The following PDS5B variants were observed in gnomAD, a reference collection of about 807,000 sequenced individuals.
The protein encoded by PDS5B is PDS5 cohesin associated factor B, also known as sister chromatid cohesion protein PDS5 homolog B.
PDS5B carries 51 observed loss-of-function variants against 184.1 expected under a neutral mutation model. The observed-to-expected ratio is 0.28, with a 90% CI of 0.22 to 0.35. The LOEUF is 0.35. Ranked by LOEUF, PDS5B falls within the 10% of genes least tolerant of loss-of-function variation. The pLI, the probability that PDS5B is intolerant of heterozygous loss-of-function variation, is 1.00. For synonymous variants in PDS5B, 566 were observed against 569.2 expected (o/e 0.99, Z 0.08); for missense variants, 1,180 against 1,723.3 (o/e 0.68, Z 5.58).
intron 13 of PDS5B, chr13:32,691,192 T>C (rs936708787): frequency 2.0e-5 from 3 of 152,046 alleles, no homozygotes; most frequent in Non-Finnish European, 4.4e-5. Context: ...TGTATATGTA[T>C]GTGTATATAT....
chr13:32,654,119 A>G (rs949986510), intron 3 of PDS5B, among the ~76,000 whole-genome samples: 3 of 152,178 alleles, frequency 2.0e-5, no homozygotes, highest in Non-Finnish European at 4.4e-5. Context: ...GTCTTATTCT[A>G]AATGCCTCTT....
chr13:32,775,395 G>A lies in PDS5B; in HGVS notation c.*343G>A, dbSNP rs546256850. On this transcript the variant is annotated 3_prime_UTR_variant, in exon 35 of 35. Transcript: ENST00000315596. ...GGCTTTAAACTGACAGTACCCGACT[G>A]TTTATTGGATCTATTGATTTGAAAA... 1.2e-5 allele frequency: 4 copies of A among 328,502 alleles called. No homozygotes were observed. The highest frequency in any genetic ancestry group is 1.2e-4 in the South Asian group (4 of 32,896). The allele number at this position is 328,502 out of a possible 1,614,324, so 20.3% of individuals were successfully genotyped here. A position where few individuals can be genotyped will look rare whatever the true frequency, so the allele number is the denominator to read the frequency against.
intron 1 of PDS5B, among the ~76,000 whole-genome samples, chr13:32,590,945 A>G (rs208430): frequency 0.26 from 38,793 of 151,002 alleles, 5,273 homozygotes; most frequent in Admixed American, 0.37. Context: ...TTAAGTTAAA[A>G]GTTATACAGG....
chr13:32,652,143 A>ATTTT, intron 3 of PDS5B, 136 bp downstream of exon 3: 1 of 556,556 alleles, frequency 1.8e-6, no homozygotes, highest in African/African-American at 2.4e-5. Context: ...GCTAAACTTA[A>ATTTT]TGTTTTTTTT....
chr13:32,696,993 A>C, intron 15 of PDS5B, 91 bp downstream of exon 15: 1 of 723,574 alleles, frequency 1.4e-6, no homozygotes. Context: ...GTTATAGGCT[A>C]TGATAATATA....
At chr13:32,716,047 A>G (rs1385751904) in intron 19 of PDS5B, among the ~76,000 whole-genome samples, 1 of 42 alleles carries the variant, frequency 0.024, no homozygotes, top group East Asian at 0.5. Context: ...GGCCTCCCAA[A>G]GTGCCGAGAG....
In PDS5B at chr13:32,586,949, C is replaced by T. The variant is rs2057690165; in HGVS notation, c.-20+356C>T. 2.1e-5 allele frequency among the ~76,000 whole-genome samples: 3 copies of T among 141,742 alleles called. No individual in the cohort carries two copies. In the South Asian group the frequency reaches 7.1e-4, roughly 34 times the overall value. 93.0% of individuals were successfully genotyped at this position (141,742 alleles called of 152,430 possible). Reference sequence around the variant, plus strand: ...GGCGGCGGCGGGCGGTGACCTTGCGCGCGGGCGGGGGTCTCGGGGCCGCCC... The same window carrying T: ...GGCGGCGGCGGGCGGTGACCTTGCGTGCGGGCGGGGGTCTCGGGGCCGCCC... On this transcript the variant is annotated intron_variant, in intron 1 of 34. Coordinates refer to ENST00000315596, the MANE Select transcript of PDS5B (RefSeq NM_015032.4).
At chr13:32,744,666 G>C (rs1288280416) in intron 23 of PDS5B, among the ~76,000 whole-genome samples, 1 of 152,088 alleles carries the variant, frequency 6.6e-6, no homozygotes, top group Non-Finnish European at 1.5e-5. Flanking sequence ...CATCCAACAG[G>C]TGGTTTATAC....
At chr13:32,665,125 A>G (rs973983614) in intron 6 of PDS5B, among the ~76,000 whole-genome samples, 2 of 152,210 alleles carry the variant, frequency 1.3e-5, no homozygotes, top group Non-Finnish European at 2.9e-5. Flanking sequence ...AGTGGGTATT[A>G]CAAGTTATCA....
At chr13:32,678,710 C>G in intron 9 of PDS5B, 125 bp from the exon 10 acceptor site, 1 of 617,016 alleles carries the variant, frequency 1.6e-6, no homozygotes, top group Non-Finnish European at 2.9e-6. Context: ...TGGTTTGGTT[C>G]TACTTTGCAT....
intron 1 of PDS5B, among the ~76,000 whole-genome samples, chr13:32,620,532 T>C (rs1185974519): frequency 6.6e-6 from 1 of 152,030 alleles, no homozygotes; most frequent in East Asian, 1.9e-4. Context: ...CAGGTGCCTG[T>C]AGTCCCAGCA....
intron 8 of PDS5B, among the ~76,000 whole-genome samples, chr13:32,674,789 A>AT (rs1288795915): frequency 6.6e-6 from 1 of 152,150 alleles, no homozygotes; most frequent in Non-Finnish European, 1.5e-5. Context: ...AAGAATTATA[A>AT]TTGGAAGATA....
chr13:32,601,362 C>A (rs2057972156), intron 1 of PDS5B, among the ~76,000 whole-genome samples: 1 of 152,158 alleles, frequency 6.6e-6, no homozygotes, highest in Admixed American at 6.5e-5. Flanking sequence ...TTAATACACA[C>A]CTTGTTTTAG....
chr13:32,663,844 G>A (rs1950715847), intron 6 of PDS5B, among the ~76,000 whole-genome samples: 1 of 152,146 alleles, frequency 6.6e-6, no homozygotes, highest in African/African-American at 2.4e-5. Flanking sequence ...TACCCAATGT[G>A]TACACAATGT....
intron 1 of PDS5B, among the ~76,000 whole-genome samples, chr13:32,594,585 A>C (rs191882902): frequency 6.6e-6 from 1 of 152,338 alleles, no homozygotes; most frequent in African/African-American, 2.4e-5. Context: ...AACTATGAAA[A>C]AATTCTTGAA....
intron 1 of PDS5B, among the ~76,000 whole-genome samples, chr13:32,611,784 C>T (rs1465862095): frequency 6.6e-6 from 1 of 152,030 alleles, no homozygotes; most frequent in African/African-American, 2.4e-5. Context: ...GCTGGGATTA[C>T]AAGCATGAGC....
At chr13:32,696,562 A>C (rs116811041) in intron 14 of PDS5B, among the ~76,000 whole-genome samples, 3,446 of 151,838 alleles carry the variant, frequency 0.023, 50 homozygotes, top group African/African-American at 0.036. Context: ...AAAAAAAAAC[A>C]AAACCCCAAA....
At chr13:32,768,856 C>G (rs1179285873) in intron 31 of PDS5B, among the ~76,000 whole-genome samples, 1 of 140,558 alleles carries the variant, frequency 7.1e-6, no homozygotes, top group Non-Finnish European at 1.5e-5. Context: ...AATCCCAGCA[C>G]TTTGGGAGGC....
chr13:32,693,140 C>G (rs1410272573), intron 13 of PDS5B, among the ~76,000 whole-genome samples: 3 of 151,930 alleles, frequency 2.0e-5, no homozygotes, highest in African/African-American at 7.2e-5. Flanking sequence ...TCTTACAACT[C>G]TTGTTAGATT....
Sources: gnomAD v4.1 joint callset for allele counts (sites outside exome capture counted in the v4.1 genomes callset) on GRCh38, gnomAD v4.1.1 for gene constraint, MANE v1.5 for transcripts, NCBI Gene and HGNC (gene_info 2026-07-23, HGNC 2026-07-21) for gene names.